ANXA8: variants seen among roughly 807,000 people sequenced by gnomAD.
ANXA8 encodes the protein VAC-beta.
In ANXA8, 9 loss-of-function variants were observed where a neutral mutation model predicts 26.8. That is an observed-to-expected ratio of 0.34 (90% CI 0.20 to 0.59). The LOEUF (loss-of-function observed/expected upper bound fraction) is 0.59, where lower values mean the gene tolerates loss of function less well. Among genes scored for constraint, ANXA8 ranks in the 20% least tolerant of loss-of-function variants. The pLI, the probability that ANXA8 is intolerant of heterozygous loss-of-function variation, is 0.84. For synonymous variants in ANXA8, 39 were observed against 94.8 expected, an observed-to-expected ratio of 0.41 and a Z score of 3.42; for missense variants, 83 against 238.5, an observed-to-expected ratio of 0.35 and a Z score of 4.29.
chr10:47,623,595 T>A, the ANXA8 span, among the ~76,000 whole-genome samples: 7 of 111,262 alleles, frequency 6.3e-5, 3 homozygotes, highest in Non-Finnish European at 1.4e-4. Flanking sequence ...TTTATATTTT[T>A]CCTTCAACAA....
At chr10:47,733,080 A>G in the ANXA8 span, among the ~76,000 whole-genome samples, 5 of 151,886 alleles carry the variant, frequency 3.3e-5, no homozygotes, top group East Asian at 3.9e-4. Flanking sequence ...AAATGAGGGT[A>G]GTACCAGCTT....
chr10:47,588,023 T>G, the ANXA8 span, among the ~76,000 whole-genome samples: 2 of 143,878 alleles, frequency 1.4e-5, 1 homozygote, highest in Admixed American at 1.3e-4. Flanking sequence ...ACTCTGCCTC[T>G]ATCTGGTACA....
At chr10:47,733,210 TTTCTTTC>T in the ANXA8 span, among the ~76,000 whole-genome samples, 1 of 75,722 alleles carries the variant, frequency 1.3e-5, no homozygotes, top group Non-Finnish European at 2.8e-5. Context: ...TCTTTCTTTC[TTTCTTTC>T]TTTCTCTTTC....
At chr10:47,733,295 C>CTTTCTTTT in the ANXA8 span, among the ~76,000 whole-genome samples, 2 of 56,248 alleles carry the variant, frequency 3.6e-5, no homozygotes, top group East Asian at 6.7e-4. Context: ...TTCTTTCTTT[C>CTTTCTTTT]TTTTTTTTCT....
the ANXA8 span, among the ~76,000 whole-genome samples, chr10:47,495,206 G>A: frequency 1.3e-5 from 2 of 149,754 alleles, no homozygotes; most frequent in East Asian, 4.0e-4. Context: ...CAGAGAAACA[G>A]AGAATTCCAG....
chr10:47,673,244 T>G, the ANXA8 span, among the ~76,000 whole-genome samples: 3 of 151,650 alleles, frequency 2.0e-5, no homozygotes, highest in East Asian at 5.8e-4. Context: ...CGAACTGGCA[T>G]AGATAATACC....
the ANXA8 span, among the ~76,000 whole-genome samples, chr10:47,956,622 C>T: frequency 6.6e-6 from 1 of 150,842 alleles, no homozygotes; most frequent in African/African-American, 2.5e-5. Flanking sequence ...TCCCTCCCAT[C>T]CCCACTGGCG....
At chr10:47,581,662 A>G in the ANXA8 span, 6 of 371,626 alleles carry the variant, frequency 1.6e-5, no homozygotes, top group East Asian at 4.3e-4. Context: ...GCTGGAGTGC[A>G]GTGGCACGAT....
At chr10:47,621,599 G>A in the ANXA8 span, among the ~76,000 whole-genome samples, 2 of 109,038 alleles carry the variant, frequency 1.8e-5, no homozygotes. Flanking sequence ...GGTGGGTAGT[G>A]ACTCCTTGGT....
chr10:47,596,381 G>GA, the ANXA8 span, among the ~76,000 whole-genome samples: 1 of 103,584 alleles, frequency 9.7e-6, no homozygotes, highest in East Asian at 2.6e-4. Context: ...AGTAAAACAA[G>GA]AAAAAAAACT....
the ANXA8 span, among the ~76,000 whole-genome samples, chr10:47,548,286 G>A: frequency 6.8e-6 from 1 of 146,616 alleles, no homozygotes; most frequent in Non-Finnish European, 1.5e-5. Context: ...TAATCAATAT[G>A]GCTTATTTTT....
chr10:47,654,054 A>T, the ANXA8 span, among the ~76,000 whole-genome samples: 1 of 151,872 alleles, frequency 6.6e-6, no homozygotes, highest in African/African-American at 2.4e-5. Context: ...TGTACAGGTT[A>T]GATAGTGGAG....
At chr10:47,502,400 G>A in the ANXA8 span, 6,146 of 1,610,206 alleles carry the variant, frequency 3.8e-3, 221 homozygotes, top group African/African-American at 0.067. Context: ...AGTGGGGCCA[G>A]AAAGAGCTTC....
the ANXA8 span, among the ~76,000 whole-genome samples, chr10:47,677,030 A>G: frequency 7.0e-6 from 1 of 143,726 alleles, no homozygotes. Context: ...CTAGATTTCT[A>G]TGGCCAGCAG....
chr10:47,701,229 G>C, the ANXA8 span, among the ~76,000 whole-genome samples: 3 of 149,962 alleles, frequency 2.0e-5, no homozygotes, highest in African/African-American at 7.4e-5. Context: ...TTCTGTTGGC[G>C]CAACTGTGAG....
the ANXA8 span, among the ~76,000 whole-genome samples, chr10:47,715,171 G>A: frequency 8.9e-5 from 1 of 11,234 alleles, no homozygotes; most frequent in Non-Finnish European, 1.8e-4. Flanking sequence ...CTGGTGGCCC[G>A]GCGCGGAGGC....
chr10:47,768,115 T>C, the ANXA8 span, among the ~76,000 whole-genome samples: 1 of 150,880 alleles, frequency 6.6e-6, no homozygotes, highest in Non-Finnish European at 1.5e-5. Flanking sequence ...CCTTCCTCAA[T>C]CGTCACCTCT....
the ANXA8 span, among the ~76,000 whole-genome samples, chr10:47,761,102 G>GCACACACACACACACACACA: frequency 6.9e-6 from 1 of 145,492 alleles, no homozygotes; most frequent in East Asian, 2.1e-4. Flanking sequence ...ACACACACAC[G>GCACACACACACACACACACA]CACACACACA....
At chr10:47,973,140 T>C in the ANXA8 span, 2 of 149,450 alleles carry the variant, frequency 1.3e-5, no homozygotes, top group African/African-American at 2.4e-5. Flanking sequence ...CTTCTCAAAC[T>C]TGTGGGACCA....
Sources: gnomAD v4.1 joint callset for allele counts (sites outside exome capture counted in the v4.1 genomes callset) on GRCh38, gnomAD v4.1.1 for gene constraint, MANE v1.5 for transcripts, NCBI Gene and HGNC (gene_info 2026-07-23, HGNC 2026-07-21) for gene names.